Variants in ARHGAP17 observed in about 807,000 individuals in gnomAD.
ARHGAP17 encodes rho GTPase-activating protein 17.
A neutral mutation model predicts 99.5 loss-of-function variants in ARHGAP17; 57 were observed. The observed-to-expected ratio is 0.57, with a 90% CI of 0.46 to 0.71. The LOEUF is 0.71. ARHGAP17 is among the 30% of genes least tolerant of loss of function. ARHGAP17 has a pLI of 0.00. For missense variants in ARHGAP17, 1,000 were observed against 1,122.4 expected (o/e 0.89, Z 1.56); for synonymous variants, 417 against 429.6 (o/e 0.97, Z 0.36).
intron 12 of ARHGAP17, among the ~76,000 whole-genome samples, chr16:24,951,925 G>A (rs2051656077): frequency 6.6e-6 from 1 of 152,136 alleles, no homozygotes; most frequent in African/African-American, 2.4e-5. Context: ...GCACAGGTGA[G>A]ACTGCACACA....
intron 1 of ARHGAP17, 85 bp downstream of exon 1, chr16:25,015,119 GCCGGA>G: frequency 3.5e-6 from 4 of 1,157,718 alleles, no homozygotes; most frequent in Non-Finnish European, 4.3e-6. Context: ...GCTCAGAGCC[GCCGGA>G]CCGCGGAGGA....
intron 19 of ARHGAP17, among the ~76,000 whole-genome samples, chr16:24,923,551 G>A (rs369216462): frequency 6.6e-5 from 10 of 152,062 alleles, no homozygotes; most frequent in Middle Eastern, 3.4e-3. Flanking sequence ...ATGAGACTCC[G>A]TCTCTATAAG....
intron 19 of ARHGAP17, chr16:24,927,769 CTT>C: frequency 1.0e-6 from 1 of 965,332 alleles, no homozygotes. Context: ...TTAGAATACT[CTT>C]TGCTAAAATC....
intron 19 of ARHGAP17, among the ~76,000 whole-genome samples, chr16:24,929,927 T>A (rs1342347273): frequency 6.6e-6 from 1 of 152,158 alleles, no homozygotes; most frequent in African/African-American, 2.4e-5. Flanking sequence ...CGAAAGTGCC[T>A]CCACTTAGAA....
At chr16:24,995,688 G>A (rs1211562731) in intron 1 of ARHGAP17, among the ~76,000 whole-genome samples, 1 of 152,196 alleles carries the variant, frequency 6.6e-6, no homozygotes, top group Non-Finnish European at 1.5e-5. Context: ...GCCATCAGGT[G>A]TGCGAACCAA....
intron 1 of ARHGAP17, among the ~76,000 whole-genome samples, chr16:24,982,610 T>C (rs2052705993): frequency 6.6e-6 from 1 of 152,194 alleles, no homozygotes; most frequent in African/African-American, 2.4e-5. Context: ...TGTCTCCATC[T>C]ATTCCAATAA....
At position 24,959,716 on chromosome 16, in the gene ARHGAP17, A is replaced by T; in HGVS notation, c.679T>A (p.Leu227Ile). 1 of 1,614,164 alleles carries T rather than the reference A, an allele frequency of 6.2e-7. No individual in the cohort carries two copies. Among genetic ancestry groups the T allele is most frequent in the Non-Finnish European group, 8.5e-7 (1 of 1,180,028 alleles). The change falls in exon 9 of 20, where the codon TTA becomes ATA. Residue 227 changes from leucine to isoleucine, a missense_variant. This residue lies in a region of ARHGAP17 where 472 missense variants were observed against 611.1 expected (regional missense o/e 0.77). Transcript: ENST00000289968. ...EAQADYHRKA[L>I]AVLEKTLPEM... Reference sequence around the variant, plus strand: ...GGGAGGGTCTTTTCTAAGACTGCTAATGCTTTTCTATGGTAATCTGCTTGG... The same window carrying T: ...GGGAGGGTCTTTTCTAAGACTGCTATTGCTTTTCTATGGTAATCTGCTTGG...
At chr16:24,996,367 G>A (rs996955020) in intron 1 of ARHGAP17, among the ~76,000 whole-genome samples, 3 of 152,110 alleles carry the variant, frequency 2.0e-5, no homozygotes, top group Non-Finnish European at 2.9e-5. Context: ...TCTGGGGATG[G>A]AGCATTCATA....
chr16:24,959,689 C>T lies in ARHGAP17; in HGVS notation c.706G>A (p.Glu236Lys), dbSNP rs775863425. ...ALAVLEKTLPEMRAHQDKWAE... is the reference protein window; with the variant it reads ...ALAVLEKTLPKMRAHQDKWAE... The stretch of plus-strand genomic sequence containing the variant: ...ACATTACCTTGATGGGCTCGCATTT[C>T]GGGGAGGGTCTTTTCTAAGACTGCT... The change falls in exon 9 of 20, where the codon GAA (glutamate) becomes AAA (lysine). Residue 236 changes from glutamate to lysine, a missense_variant. By Grantham distance (56) the Glu-to-Lys change is moderately conservative. Transcript: ENST00000289968. The T allele has an allele frequency of 2.9e-5, 46 of 1,613,880 alleles. No homozygotes were observed. The highest frequency in any genetic ancestry group is 6.6e-5 in the South Asian group (6 of 91,064).
At chr16:24,982,130 G>A (rs905177359) in intron 1 of ARHGAP17, among the ~76,000 whole-genome samples, 1 of 151,866 alleles carries the variant, frequency 6.6e-6, no homozygotes, top group Non-Finnish European at 1.5e-5. Context: ...GAGGTTGGGG[G>A]TGGTGGCTCA....
intron 9 of ARHGAP17, among the ~76,000 whole-genome samples, chr16:24,958,694 G>T (rs771091860): frequency 1.3e-5 from 2 of 152,142 alleles, no homozygotes; most frequent in East Asian, 1.9e-4. Flanking sequence ...TGGAACTTAG[G>T]GGGAGAAGAA....
At chr16:24,945,618 G>A (rs141411097) in intron 14 of ARHGAP17, among the ~76,000 whole-genome samples, 1 of 152,252 alleles carries the variant, frequency 6.6e-6, no homozygotes, top group East Asian at 1.9e-4. Context: ...TCCCATCAGA[G>A]TATTTTCACC....
chr16:24,971,205 T>C (rs2052351185), intron 3 of ARHGAP17, among the ~76,000 whole-genome samples: 1 of 152,064 alleles, frequency 6.6e-6, no homozygotes, highest in South Asian at 2.1e-4. Context: ...AAGCACACTA[T>C]GTTCAAGGCA....
intron 1 of ARHGAP17, 53 bp downstream of exon 1, chr16:25,015,149 GCGCCCTC>G (rs1304603323): frequency 2.9e-5 from 24 of 824,048 alleles, no homozygotes; most frequent in East Asian, 2.6e-4. Flanking sequence ...TCCCGCCCCC[GCGCCCTC>G]CGCCCTCCGC....
At chr16:24,942,271 G>T in intron 15 of ARHGAP17, 128 bp from the exon 16 acceptor site, 2 of 915,896 alleles carry the variant, frequency 2.2e-6, no homozygotes, top group Non-Finnish European at 3.2e-6. Flanking sequence ...CAAAGTGGAA[G>T]CTCCAGGCAC....
At chr16:24,985,263 A>G (rs565250611) in intron 1 of ARHGAP17, among the ~76,000 whole-genome samples, 1 of 152,322 alleles carries the variant, frequency 6.6e-6, no homozygotes, top group East Asian at 1.9e-4. Context: ...TTTGTTTCCT[A>G]TTGCTGCTGT....
intron 1 of ARHGAP17, among the ~76,000 whole-genome samples, chr16:25,014,448 A>G (rs2053727556): frequency 6.6e-6 from 1 of 152,244 alleles, no homozygotes; most frequent in Non-Finnish European, 1.5e-5. Flanking sequence ...AATAATCAAT[A>G]ACGTTTCTTG....
chr16:24,990,459 C>G (rs899307598), intron 1 of ARHGAP17, among the ~76,000 whole-genome samples: 38 of 151,518 alleles, frequency 2.5e-4, no homozygotes, highest in African/African-American at 8.0e-4. Flanking sequence ...GCACTCCAGT[C>G]TGGGCATCAA....
At chr16:24,974,881 T>C (rs2052469819) in intron 3 of ARHGAP17, among the ~76,000 whole-genome samples, 1 of 152,130 alleles carries the variant, frequency 6.6e-6, no homozygotes, top group Non-Finnish European at 1.5e-5. Flanking sequence ...GCACAGTAGC[T>C]CATGCCTGTA....
Sources: gnomAD v4.1 joint callset for allele counts (sites outside exome capture counted in the v4.1 genomes callset) on GRCh38, gnomAD v4.1.1 for gene constraint, gnomAD v4.1.1 regional missense constraint, MANE v1.5 for transcripts, NCBI Gene and HGNC (gene_info 2026-07-23, HGNC 2026-07-21) for gene names.